PTPRN: variants seen among roughly 807,000 people sequenced by gnomAD.
PTPRN encodes receptor-type tyrosine-protein phosphatase-like N.
Under a neutral mutation model 108.5 loss-of-function variants are expected in PTPRN, and 70 were observed. The observed-to-expected ratio is 0.65, with a 90% confidence interval of 0.53 to 0.79. The LOEUF (loss-of-function observed/expected upper bound fraction) is 0.79. Among genes scored for constraint, PTPRN ranks in the 30% least tolerant of loss-of-function variants. The pLI, the probability that PTPRN is intolerant of heterozygous loss-of-function variation, is 0.00. For synonymous variants in PTPRN, 496 were observed against 524.6 expected (o/e 0.95, Z 0.75); for missense variants, 1,136 against 1,295.5 (o/e 0.88, Z 1.89).
At chr2:219,305,950 G>C (rs1033141684) in intron 3 of PTPRN, among the ~76,000 whole-genome samples, 2 of 152,148 alleles carry the variant, frequency 1.3e-5, no homozygotes, top group Non-Finnish European at 2.9e-5. Flanking sequence ...AGGAGCTCAA[G>C]ACCAGCCTGG....
intron 4 of PTPRN, 52 bp from the exon 5 acceptor site, chr2:219,302,889 A>G (rs759851065): frequency 2.7e-5 from 43 of 1,581,342 alleles, no homozygotes; most frequent in Non-Finnish European, 3.4e-5. Flanking sequence ...GGGCATAGAG[A>G]GCCTGCAAGG....
chr2:219,298,854 G>A, intron 12 of PTPRN, 193 bp downstream of exon 12: 1 of 679,208 alleles, frequency 1.5e-6, no homozygotes, highest in Admixed American at 2.2e-5. Flanking sequence ...GGTCCTGCAG[G>A]GAGGGGACAC....
chr2:219,302,383 T>A lies in PTPRN; in HGVS notation c.748A>T (p.Lys250Ter). ...APALFSRTAS[K>*]GIFGDHPGHS... ...CCAGGGTGGTCCCCAAATATGCCCT[T>A]GGAGGCAGTTCTGCTGAAGAGGGCA... Residue 250 changes from lysine to a stop codon, truncating the protein, a stop_gained, in exon 6 of 23, where the codon AAG (lysine) becomes TAG (stop). Coordinates refer to ENST00000295718, the MANE Select transcript of PTPRN (RefSeq NM_002846.4). LOFTEE classifies it high-confidence loss of function. 1 of 1,614,002 alleles carries A rather than the reference T, an allele frequency of 6.2e-7. No individual in the cohort carries two copies. Among genetic ancestry groups the A allele is most frequent in the Non-Finnish European group, 8.5e-7 (1 of 1,179,920 alleles).
rs770172316 is a variant in PTPRN at position 219,302,195 on chromosome 2, A to T, written c.936T>A (p.Tyr312Ter). 5 of 1,611,504 alleles carry T rather than the reference A, an allele frequency of 3.1e-6. No homozygotes were observed. The highest frequency in any genetic ancestry group is 4.2e-6 in the Non-Finnish European group (5 of 1,177,976). ...CACGATCCCCTAGTCCTTCCTTCTC[A>T]TAGCCCTCTGGGGAGTCCTCTGCCC... ...SSRAEDSPEG[Y>*]EKEGLGDRGE... is the part of the protein sequence containing the mutation. Residue 312 changes from tyrosine (Y) to a stop codon, truncating the protein, a stop_gained, in exon 6 of 23, where the codon TAT becomes TAA. Coordinates refer to ENST00000295718, the MANE Select transcript of PTPRN (RefSeq NM_002846.4). LOFTEE classifies it high-confidence loss of function.
At chr2:219,303,529 T>C (rs970400930) in intron 4 of PTPRN, among the ~76,000 whole-genome samples, 1 of 152,198 alleles carries the variant, frequency 6.6e-6, no homozygotes, top group Non-Finnish European at 1.5e-5. Flanking sequence ...ATTCAAAAAA[T>C]GCCCGTTTTT....
intron 1 of PTPRN, chr2:219,308,051 T>C (rs1952527577): frequency 3.4e-6 from 2 of 587,890 alleles, no homozygotes; most frequent in Non-Finnish European, 6.0e-6. Context: ...TGTGAGTCTG[T>C]ATCCTTAAAA....
At chr2:219,306,117 C>T (rs1182125098) in intron 3 of PTPRN, among the ~76,000 whole-genome samples, 1 of 152,190 alleles carries the variant, frequency 6.6e-6, no homozygotes, top group East Asian at 1.9e-4. Context: ...CATCACTGCA[C>T]TCCAGCCTGG....
Position 219,290,359 on chromosome 2 carries a change from TG to T in PTPRN, c.2869-63del, listed in dbSNP as rs890212957. 14 of 1,030,832 alleles carry T rather than the reference TG, an allele frequency of 1.4e-5. No homozygotes were observed. The Middle Eastern group carries it at 1.2e-3, about 87-fold the overall frequency. The allele number at this position is 1,030,832 out of a possible 1,614,324, so 63.9% of individuals were successfully genotyped here. A position where few individuals can be genotyped will look rare whatever the true frequency, so the allele number is the denominator to read the frequency against. On this transcript the variant is annotated intron_variant, in intron 22 of 22. Coordinates refer to ENST00000295718, the MANE Select transcript of PTPRN (RefSeq NM_002846.4). The surrounding 1 kb of genome is among the most constrained non-coding windows in gnomAD (Gnocchi z 4.2). ...GCTGACCTGTGCTCTGCCCTCAAGA[TG>T]GGGGGCTTTTGGTGGGGGGAGGGCC...
chr2:219,307,891 T>C (rs958755436), intron 1 of PTPRN, 49 bp from the exon 2 acceptor site: 57 of 1,567,064 alleles, frequency 3.6e-5, no homozygotes, highest in Non-Finnish European at 4.7e-5. Flanking sequence ...TCACAGAGAA[T>C]GGGCAGATGG....
chr2:219,294,542 G>A (rs1276605251), intron 19 of PTPRN, among the ~76,000 whole-genome samples: 3 of 151,904 alleles, frequency 2.0e-5, no homozygotes, highest in Non-Finnish European at 4.4e-5. Flanking sequence ...GAGGGGAGAC[G>A]GGCAGGCGGG....
intron 8 of PTPRN, 125 bp from the exon 9 acceptor site, chr2:219,300,384 C>A: frequency 9.9e-7 from 1 of 1,013,788 alleles, no homozygotes; most frequent in Admixed American, 3.0e-5. Context: ...GGGACCACTG[C>A]AGTGCTGGGT....
Position 219,302,240 on chromosome 2 carries a change from T to A in PTPRN, c.891A>T (p.Pro297=). 6.2e-7 allele frequency: 1 copy of A among 1,614,202 alleles called. No individual in the cohort carries two copies. Among genetic ancestry groups the A allele is most frequent in the Non-Finnish European group, 8.5e-7 (1 of 1,180,030 alleles). Residue 297 remains proline (P), a synonymous_variant, in exon 6 of 23, where the codon CCA becomes CCT. Transcript: ENST00000295718. ...APSRARVPRL[P]EQGSSSRAED... ...CTGCCCGGCTGCTGCTCCCTTGCTC[T>A]GGCAGCCTTGGCACCCTGGCCCTGC...
chr2:219,308,805 C>T, intron 1 of PTPRN: 2 of 1,281,842 alleles, frequency 1.6e-6, no homozygotes, highest in South Asian at 1.3e-5. Flanking sequence ...GCGGCCCAGG[C>T]TTCCACTGCC....
At chr2:219,291,231 T>C (rs1365404195) in intron 20 of PTPRN, among the ~76,000 whole-genome samples, 1 of 152,146 alleles carries the variant, frequency 6.6e-6, no homozygotes, top group Non-Finnish European at 1.5e-5. Flanking sequence ...AGGGGGCCAA[T>C]GGTCAATATT....
At position 219,296,271 on chromosome 2, in the gene PTPRN, G is replaced by T. The variant is rs769567604; in HGVS notation, c.2463C>A (p.Asp821Glu). The T allele has an allele frequency of 6.2e-7, 1 of 1,614,076 alleles. No homozygotes were observed. Among genetic ancestry groups the T allele is most frequent in the Admixed American group, 1.7e-5 (1 of 60,024 alleles). ...AGGCACCCTCATCTGGCCAGTAGCG[G>T]TCACACTGCTTGACACCATCCTCCA... Reference protein sequence around the residue: ...PLVEDGVKQCDRYWPDEGASL... With the variant: ...PLVEDGVKQCERYWPDEGASL... Residue 821 changes from aspartate (D) to glutamate (E), a missense_variant, in exon 18 of 23, where the codon GAC (aspartate) becomes GAA (glutamate). Transcript: ENST00000295718. This position sits in a 1 kb window ranked among gnomAD's most constrained non-coding sequence, Gnocchi z 6.0.
chr2:219,303,663 T>C (rs1325289120), intron 4 of PTPRN, 72 bp downstream of exon 4: 4 of 1,438,026 alleles, frequency 2.8e-6, no homozygotes, highest in Non-Finnish European at 3.9e-6. Flanking sequence ...CTTCCCCTTC[T>C]CTCCATCAAT....
intron 18 of PTPRN, 136 bp from the exon 19 acceptor site, chr2:219,295,277 G>A: frequency 2.2e-6 from 2 of 923,580 alleles, no homozygotes; most frequent in Non-Finnish European, 3.2e-6. Flanking sequence ...AAGTTCCAGC[G>A]GTCCCAGGAA....
Position 219,297,960 on chromosome 2 carries a change from C to T in PTPRN, c.1812G>A (p.Ala604=), listed in dbSNP as rs372877795. The T allele has an allele frequency of 3.3e-5, 53 of 1,613,644 alleles. No homozygotes were observed. The highest frequency in any genetic ancestry group is 2.7e-5 in the Non-Finnish European group (32 of 1,179,994). Residue 604 remains alanine (A), a synonymous_variant, in exon 13 of 23, where the codon GCG becomes GCA. Coordinates refer to ENST00000295718, the MANE Select transcript of PTPRN (RefSeq NM_002846.4). The surrounding 1 kb of genome is among the most constrained non-coding windows in gnomAD (Gnocchi z 6.0). ...CCAGGCGCTCCTTGTCTTGCTGCCG[C>T]GCATGCTGCCGCACACACAGAGCCA... ...LAVALCVRQH[A]RQQDKERLAA... is the part of the protein sequence containing the mutation.
rs753878421 is a variant in PTPRN at position 219,291,478 on chromosome 2, C to T, written c.2721G>A (p.Val907=). Residue 907 remains valine (V), a synonymous_variant, in exon 20 of 23, where the codon GTG becomes GTA. Coordinates refer to ENST00000295718, the MANE Select transcript of PTPRN (RefSeq NM_002846.4). The part of the protein sequence containing the change: ...CYRGRSCPII[V]HCSDGAGRTG... Reference sequence around the variant, plus strand: ...ATCTCCTCTCCACCCACCTGCAGTGCACGATGATGGGGCAGGAGCGGCCCC... The same window carrying T: ...ATCTCCTCTCCACCCACCTGCAGTGTACGATGATGGGGCAGGAGCGGCCCC... The T allele has an allele frequency of 1.9e-6, 3 of 1,614,006 alleles. No homozygotes were observed. Among genetic ancestry groups the T allele is most frequent in the Non-Finnish European group, 2.5e-6 (3 of 1,179,952 alleles).
Sources: allele counts gnomAD v4.1 joint callset (sites outside exome capture counted in the v4.1 genomes callset), GRCh38; gene constraint gnomAD v4.1.1; non-coding constraint Gnocchi (gnomAD v3.1); transcripts MANE v1.5; gene names NCBI Gene and HGNC (gene_info 2026-07-23, HGNC 2026-07-21).